PARD3B: variants seen among roughly 807,000 people sequenced by gnomAD.
PARD3B encodes the protein partitioning defective 3 homolog B.
PARD3B carries 103 observed loss-of-function variants against 130.2 expected under a neutral mutation model. The ratio of observed to expected loss-of-function variants is 0.79; its 90% CI spans 0.67 to 0.93. PARD3B has a LOEUF of 0.93. PARD3B is among the 40% of genes least tolerant of loss of function. PARD3B has a pLI of 0.00. For synonymous variants in PARD3B, 583 were observed against 553.2 expected, an observed-to-expected ratio of 1.05 and a Z score of -0.76; for missense variants, 1,609 against 1,499.2, an observed-to-expected ratio of 1.07 and a Z score of -1.21.
Position 204,645,489 on chromosome 2 carries a change from C to G in PARD3B, c.121-40692C>G, listed in dbSNP as rs528490122. Among the ~76,000 whole-genome samples, 19 of 152,200 alleles carry G rather than the reference C, an allele frequency of 1.2e-4. No individual in the cohort carries two copies. In the East Asian group the frequency reaches 2.3e-3, roughly 19 times the overall value. On this transcript the variant is annotated intron_variant, in intron 1 of 22. Coordinates refer to ENST00000406610, the MANE Select transcript of PARD3B (RefSeq NM_001302769.2). ...TTTCATGGGTTTCTTAGGCAACAAT[C>G]TGTACTTTGGCTTAATGTGACATAT...
chr2:204,656,925 T>C (rs2035657438), intron 1 of PARD3B, among the ~76,000 whole-genome samples: 1 of 152,162 alleles, frequency 6.6e-6, no homozygotes, highest in African/African-American at 2.4e-5. Context: ...CTAGGCACAG[T>C]TGTAATGTTC....
At position 204,899,256 on chromosome 2, in the gene PARD3B, C is replaced by CCCTT. The variant is rs147570066; in HGVS notation, c.223-65876_223-65873dup. Among the ~76,000 whole-genome samples the CCCTT allele has an allele frequency of 5.1e-3, 659 of 128,274 alleles. 11 individuals carry two copies. The highest frequency in any genetic ancestry group is 0.019 in the African/African-American group (587 of 30,808). The allele number at this position is 128,274 out of a possible 152,430, so 84.2% of individuals were successfully genotyped here. ...TCCTTCCCTCCCTCCCTCCCTCCCT[C>CCCTT]CCTTCCTTCCTTCCTTCCTTCCTGT... is the stretch of plus-strand genomic sequence containing the variant. On this transcript the variant is annotated intron_variant, in intron 2 of 22. Transcript: ENST00000406610.
At chr2:205,500,297 G>C (rs1364918990) in intron 21 of PARD3B, among the ~76,000 whole-genome samples, 1 of 152,148 alleles carries the variant, frequency 6.6e-6, no homozygotes, top group Non-Finnish European at 1.5e-5. Context: ...GCAGAAGTTA[G>C]CTACTTTAAA....
rs1469475160 is a variant in PARD3B, at chr2:205,589,737, C to G, written c.3261-25719C>G. On this transcript the variant is annotated intron_variant, in intron 22 of 22. Coordinates refer to ENST00000406610, the MANE Select transcript of PARD3B (RefSeq NM_001302769.2). The surrounding 1 kb of genome is among the most constrained non-coding windows in gnomAD (Gnocchi z 4.1). Reference sequence around the variant, plus strand: ...ATTCACTTTCTCAGAAGTAGACTAACATAATTGCATATGTAGTTACTAAAG... The same window carrying G: ...ATTCACTTTCTCAGAAGTAGACTAAGATAATTGCATATGTAGTTACTAAAG... Among the ~76,000 whole-genome samples the G allele has an allele frequency of 6.6e-6, 1 of 152,140 alleles. No individual in the cohort carries two copies. Among genetic ancestry groups the G allele is most frequent in the Non-Finnish European group, 1.5e-5 (1 of 68,026 alleles).
intron 21 of PARD3B, among the ~76,000 whole-genome samples, chr2:205,509,654 A>T (rs960287828): frequency 3.9e-5 from 6 of 152,206 alleles, no homozygotes; most frequent in Non-Finnish European, 8.8e-5. Flanking sequence ...GGCTAATGGA[A>T]TGTACTCCCA....
At chr2:204,813,888 T>G (rs2043052902) in intron 2 of PARD3B, among the ~76,000 whole-genome samples, 1 of 152,134 alleles carries the variant, frequency 6.6e-6, no homozygotes, top group Non-Finnish European at 1.5e-5. Context: ...ATTGTAAGTT[T>G]TGAAATGAAG....
chr2:205,610,192 T>A (rs141197385), intron 22 of PARD3B, among the ~76,000 whole-genome samples: 68 of 152,276 alleles, frequency 4.5e-4, no homozygotes, highest in Middle Eastern at 6.8e-3. Context: ...ACGTCTGTTC[T>A]CAGGGAGAAA....
intron 18 of PARD3B, among the ~76,000 whole-genome samples, chr2:205,318,871 G>C (rs1228468546): frequency 6.6e-6 from 1 of 152,086 alleles, no homozygotes; most frequent in Non-Finnish European, 1.5e-5. Flanking sequence ...AGAAGTCATG[G>C]CCAGGCCTGA....
chr2:205,465,595 A>G (rs2106239759), intron 20 of PARD3B, among the ~76,000 whole-genome samples: 2 of 152,356 alleles, frequency 1.3e-5, no homozygotes, highest in South Asian at 4.1e-4. Flanking sequence ...GGTCAACGGC[A>G]GCTCTTGCCG....
chr2:205,252,849 C>A (rs139993417), intron 16 of PARD3B, among the ~76,000 whole-genome samples: 57 of 110,348 alleles, frequency 5.2e-4, no homozygotes, highest in African/African-American at 1.6e-3. Flanking sequence ...CCCCCCCCCC[C>A]CACCAAAAAA....
Position 205,346,096 on chromosome 2 carries a change from C to T in PARD3B, c.2630+44395C>T, listed in dbSNP as rs548650690. On this transcript the variant is annotated intron_variant, in intron 18 of 22. Coordinates refer to ENST00000406610, the MANE Select transcript of PARD3B (RefSeq NM_001302769.2). ...TGAGGCAGGGGAAATCTCTTGAACT[C>T]GGGAGGCGAAGGTTGCAGTGAGCCG... Among the ~76,000 whole-genome samples the T allele has an allele frequency of 5.5e-5, 8 of 146,730 alleles. 1 individual carries two copies. Among genetic ancestry groups the T allele is most frequent in the African/African-American group, 2.0e-4 (8 of 40,948 alleles).
intron 15 of PARD3B, among the ~76,000 whole-genome samples, chr2:205,209,333 C>G (rs1322343538): frequency 1.3e-5 from 2 of 151,678 alleles, no homozygotes; most frequent in East Asian, 3.9e-4. Context: ...GTCTAAAACA[C>G]CAAAAGCAAT....
At chr2:204,585,355 T>C (rs2125086910) in intron 1 of PARD3B, among the ~76,000 whole-genome samples, 1 of 152,206 alleles carries the variant, frequency 6.6e-6, no homozygotes, top group Middle Eastern at 3.4e-3. Flanking sequence ...TTTCTTTTCT[T>C]CAGATCTTGC....
At chr2:205,248,897 G>A (rs781608697) in intron 16 of PARD3B, among the ~76,000 whole-genome samples, 9 of 151,624 alleles carry the variant, frequency 5.9e-5, no homozygotes, top group Non-Finnish European at 1.0e-4. Flanking sequence ...GTGAGCCACC[G>A]CGCCCAGCCT....
intron 13 of PARD3B, among the ~76,000 whole-genome samples, chr2:205,178,953 G>A (rs932239868): frequency 6.6e-6 from 1 of 152,172 alleles, no homozygotes; most frequent in African/African-American, 2.4e-5. Context: ...TCCTTTAGGA[G>A]GTATCCAGAA....
intron 1 of PARD3B, among the ~76,000 whole-genome samples, chr2:204,579,104 G>T (rs989546568): frequency 1.3e-5 from 2 of 151,448 alleles, no homozygotes; most frequent in Non-Finnish European, 2.9e-5. Flanking sequence ...TGGGGGCGGG[G>T]ATATGAAAGG....
At chr2:204,716,252 C>T (rs1375961167) in intron 2 of PARD3B, among the ~76,000 whole-genome samples, 1 of 151,798 alleles carries the variant, frequency 6.6e-6, no homozygotes, top group Non-Finnish European at 1.5e-5. Context: ...AGTGTAGTGC[C>T]TTGCTACTCA....
chr2:204,578,143 T>C (rs976082062), intron 1 of PARD3B, among the ~76,000 whole-genome samples: 5 of 152,086 alleles, frequency 3.3e-5, no homozygotes, highest in Admixed American at 6.6e-5. Flanking sequence ...GTTTTTAGAG[T>C]GTTTTGCATG....
At chr2:204,762,848 C>T (rs992157745) in intron 2 of PARD3B, among the ~76,000 whole-genome samples, 4 of 151,634 alleles carry the variant, frequency 2.6e-5, no homozygotes, top group Admixed American at 2.0e-4. Flanking sequence ...ACAACCTCCA[C>T]CTCCCAGGTT....
Sources: allele counts gnomAD v4.1 joint callset (sites outside exome capture counted in the v4.1 genomes callset), GRCh38; gene constraint gnomAD v4.1.1; non-coding constraint Gnocchi (gnomAD v3.1); transcripts MANE v1.5; gene names NCBI Gene and HGNC (gene_info 2026-07-23, HGNC 2026-07-21).